The following ZNF555 variants were observed in gnomAD, a reference collection of about 807,000 sequenced individuals.
ZNF555 encodes zinc finger protein 555.
In ZNF555, 10 loss-of-function variants were observed where a neutral mutation model predicts 14.0. That is an observed-to-expected ratio of 0.72 (90% CI 0.44 to 1.21). ZNF555 has a LOEUF of 1.21. ZNF555 is among the 50% of genes most tolerant of loss of function. ZNF555 has a pLI of 0.00. For missense variants in ZNF555, 747 were observed against 762.0 expected (o/e 0.98, Z 0.23); for synonymous variants, 277 against 262.4 (o/e 1.06, Z -0.54).
chr19:2,844,384 G>A (rs1160175815), intron 1 of ZNF555, among the ~76,000 whole-genome samples: 1 of 150,994 alleles, frequency 6.6e-6, no homozygotes, highest in Non-Finnish European at 1.5e-5. Context: ...ATTACAGGCG[G>A]GAGCCACTGC....
intron 1 of ZNF555, among the ~76,000 whole-genome samples, chr19:2,843,635 C>T (rs964842548): frequency 3.9e-5 from 6 of 152,120 alleles, no homozygotes; most frequent in South Asian, 2.1e-4. Context: ...GAATTTTTGA[C>T]GGTGGATGAT....
Position 2,853,795 on chromosome 19 carries a change from C to T in ZNF555, c.1730C>T (p.Ser577Leu). Reference sequence around the variant, plus strand: ...TGTGGGAAAGCATTCAATTGTTCCTCATCCTTAAGGCGACATGTGAGAATA... The same window carrying T: ...TGTGGGAAAGCATTCAATTGTTCCTTATCCTTAAGGCGACATGTGAGAATA... ...KHCGKAFNCSSSLRRHVRIHT... is the reference protein window; with the variant it reads ...KHCGKAFNCSLSLRRHVRIHT... The change falls in exon 4 of 4, where the codon TCA (serine) becomes TTA (leucine). Residue 577 changes from serine to leucine, a missense_variant. Coordinates refer to ENST00000334241, the MANE Select transcript of ZNF555 (RefSeq NM_152791.5). 21 of 1,612,738 alleles carry T rather than the reference C, an allele frequency of 1.3e-5. No homozygotes were observed. Among genetic ancestry groups the T allele is most frequent in the Non-Finnish European group, 1.7e-5 (20 of 1,179,254 alleles).
chr19:2,845,978 T>C (rs1171382254), intron 1 of ZNF555, among the ~76,000 whole-genome samples: 1 of 152,132 alleles, frequency 6.6e-6, no homozygotes, highest in East Asian at 1.9e-4. Context: ...TGGAAGCACA[T>C]TGTTTGCAAT....
At position 2,852,642 on chromosome 19, in the gene ZNF555, A is replaced by G; in HGVS notation, c.577A>G (p.Thr193Ala). The G allele has an allele frequency of 6.2e-7, 1 of 1,614,218 alleles. No homozygotes were observed. The highest frequency in any genetic ancestry group is 8.5e-7 in the Non-Finnish European group (1 of 1,180,042). ...TTCACACCTAAGAATGCATGTGAGA[A>G]CCCACAATGGAGAGAGACCCTATGT... ...CRSHLRMHVR[T>A]HNGERPYVCK... The change falls in exon 4 of 4, where the codon ACC becomes GCC. Residue 193 changes from threonine to alanine, a missense_variant. Transcript: ENST00000334241.
At chr19:2,841,780 G>A (rs1033718875) in intron 1 of ZNF555, among the ~76,000 whole-genome samples, 4 of 151,554 alleles carry the variant, frequency 2.6e-5, no homozygotes, top group African/African-American at 9.7e-5. Context: ...CCGGGTCCCC[G>A]CCCGCCTCTG....
chr19:2,853,752 C>A lies in ZNF555; in HGVS notation c.1687C>A (p.Pro563Thr). Residue 563 changes from proline to threonine, a missense_variant, in exon 4 of 4, where the codon CCT becomes ACT. Coordinates refer to ENST00000334241, the MANE Select transcript of ZNF555 (RefSeq NM_152791.5). Reference protein sequence around the residue: ...IHMRLHTGEKPYQCKHCGKAF... With the variant: ...IHMRLHTGEKTYQCKHCGKAF... ...TATGAGACTGCACACTGGAGAGAAA[C>A]CTTATCAATGTAAGCATTGTGGGAA... 6.2e-7 allele frequency: 1 copy of A among 1,602,418 alleles called. No individual in the cohort carries two copies. Among genetic ancestry groups the A allele is most frequent in the East Asian group, 2.2e-5 (1 of 44,848 alleles).
chr19:2,846,191 C>G (rs929243418), intron 1 of ZNF555, among the ~76,000 whole-genome samples: 3 of 152,180 alleles, frequency 2.0e-5, no homozygotes, highest in African/African-American at 7.2e-5. Context: ...GTTCATTGAC[C>G]TCTCCAGTAT....
intron 1 of ZNF555, among the ~76,000 whole-genome samples, chr19:2,844,528 C>T (rs1251353690): frequency 1.3e-5 from 2 of 152,232 alleles, no homozygotes; most frequent in Non-Finnish European, 2.9e-5. Context: ...TGTGAACCAC[C>T]ATGCCCCCAA....
chr19:2,848,160 T>TC (rs1479297642), intron 1 of ZNF555, among the ~76,000 whole-genome samples: 1 of 151,614 alleles, frequency 6.6e-6, no homozygotes, highest in East Asian at 1.9e-4. Context: ...TCTTTTCTTT[T>TC]TTTTTTTTTG....
intron 1 of ZNF555, among the ~76,000 whole-genome samples, chr19:2,848,767 G>A (rs180797467): frequency 7.2e-4 from 109 of 152,268 alleles, no homozygotes; most frequent in Non-Finnish European, 1.1e-3. Context: ...GATTTTTATT[G>A]CTGGCTGATC....
At position 2,859,205 on chromosome 19, in the gene ZNF555, C is replaced by T. The variant is rs578171490; in HGVS notation, c.*5253C>T. ...GGGCTATCTGGGAGTTTCCGCCTTC[C>T]ATGAAGTGCGCAGGCGCACTTAGGC... is the stretch of plus-strand genomic sequence containing the variant. On this transcript the variant is annotated 3_prime_UTR_variant, in exon 4 of 4. Coordinates refer to ENST00000334241, the MANE Select transcript of ZNF555 (RefSeq NM_152791.5). 3 of 152,412 alleles carry T rather than the reference C, an allele frequency of 2.0e-5. No individual in the cohort carries two copies. The highest frequency in any genetic ancestry group is 2.0e-4 in the Admixed American group (3 of 15,308). 9.4% of individuals were successfully genotyped at this position (152,412 alleles called of 1,614,324 possible).
In ZNF555 at chr19:2,859,497, T is replaced by G. The variant is rs1460797610; in HGVS notation, c.*5545T>G. Reference sequence around the variant, plus strand: ...GCTGTGAATATGATGGCGTCAGAGGTGACTGCAAAAAAGGACAGGGCAGCT... The same window carrying G: ...GCTGTGAATATGATGGCGTCAGAGGGGACTGCAAAAAAGGACAGGGCAGCT... On this transcript the variant is annotated 3_prime_UTR_variant, in exon 4 of 4. Transcript: ENST00000334241. 3 of 151,832 alleles carry G rather than the reference T, an allele frequency of 2.0e-5. No individual in the cohort carries two copies. The highest frequency in any genetic ancestry group is 2.9e-5 in the Non-Finnish European group (2 of 68,062). 9.4% of individuals were successfully genotyped at this position (151,832 alleles called of 1,614,324 possible).
intron 1 of ZNF555, among the ~76,000 whole-genome samples, chr19:2,843,757 G>C: frequency 6.6e-6 from 1 of 152,176 alleles, no homozygotes. Context: ...ATGACAATTT[G>C]TCCCAGCTCC....
rs2087612507 is a variant in ZNF555 at position 2,849,676 on chromosome 19, T to G, written c.4-911T>G. Among the ~76,000 whole-genome samples the G allele has an allele frequency of 6.0e-5, 9 of 150,074 alleles. No individual in the cohort carries two copies. In the South Asian group the frequency reaches 1.9e-3, roughly 32 times the overall value. ...ATTTTTTTTTTTTTTTCAGTAGAGA[T>G]GAGGTTTCACCATGTTGGCCAGGCT... On this transcript the variant is annotated intron_variant, in intron 1 of 3. Coordinates refer to ENST00000334241, the MANE Select transcript of ZNF555 (RefSeq NM_152791.5).
chr19:2,850,391 A>G (rs2087618604), intron 1 of ZNF555, among the ~76,000 whole-genome samples, 196 bp from the exon 2 acceptor site: 1 of 152,162 alleles, frequency 6.6e-6, no homozygotes, highest in Admixed American at 6.5e-5. Context: ...GTATAGAGAG[A>G]AATTCAGTGT....
Position 2,851,663 on chromosome 19 carries a change from T to A in ZNF555, c.314+12T>A. ...GGGAGAAATCTCAGGTGAGTTGCAC[T>A]CACAAGAGAACATAGTATTTCAGGA... On this transcript the variant is annotated intron_variant, in intron 3 of 3. Coordinates refer to ENST00000334241, the MANE Select transcript of ZNF555 (RefSeq NM_152791.5). 1.3e-6 allele frequency: 2 copies of A among 1,539,410 alleles called. No homozygotes were observed. Among genetic ancestry groups the A allele is most frequent in the South Asian group, 2.5e-5 (2 of 78,594 alleles).
chr19:2,852,542 CAA>C lies in ZNF555; in HGVS notation c.478_479del (p.Lys160GlufsTer43). 1 of 1,614,066 alleles carries C rather than the reference CAA, an allele frequency of 6.2e-7. No individual in the cohort carries two copies. The highest frequency in any genetic ancestry group is 1.6e-4 in the Middle Eastern group (1 of 6,062). On this transcript the variant is annotated frameshift_variant, in exon 4 of 4. Coordinates refer to ENST00000334241, the MANE Select transcript of ZNF555 (RefSeq NM_152791.5). LOFTEE classifies it low-confidence loss of function (END_TRUNC). ...TCTTCATGCATCGCCGCACATCCCT[CAA>C]GAGTCCCATCACAGTTCACACTGGA... Reference protein sequence around the residue: ...KVFMHRRTSLKSPITVHTGHK... With the variant: ...KVFMHRRTSLXSPITVHTGHK...
In ZNF555 at chr19:2,857,554, TAA is replaced by T. The variant is rs1453250071; in HGVS notation, c.*3603_*3604del. ...TAGGGGATTTGAGTACATATGGGCT[TAA>T]GAGTGTTCTGTCATGATTGTAGTGG... On this transcript the variant is annotated 3_prime_UTR_variant, in exon 4 of 4. Transcript: ENST00000334241. 1 of 152,204 alleles carries T rather than the reference TAA, an allele frequency of 6.6e-6. No homozygotes were observed. The highest frequency in any genetic ancestry group is 1.5e-5 in the Non-Finnish European group (1 of 68,034). 9.4% of individuals were successfully genotyped at this position (152,204 alleles called of 1,614,324 possible). A position where few individuals can be genotyped will look rare whatever the true frequency, so the allele number is the denominator to read the frequency against.
intron 1 of ZNF555, among the ~76,000 whole-genome samples, chr19:2,844,081 T>TTC (rs1568341401): frequency 9.2e-6 from 1 of 109,016 alleles, no homozygotes; most frequent in Non-Finnish European, 2.0e-5. Flanking sequence ...CCTCTTTCCT[T>TTC]TCTCTCTCTC....
Sources: gnomAD v4.1 joint callset for allele counts (sites outside exome capture counted in the v4.1 genomes callset) on GRCh38, gnomAD v4.1.1 for gene constraint, MANE v1.5 for transcripts, NCBI Gene and HGNC (gene_info 2026-07-23, HGNC 2026-07-21) for gene names.